CARMIL1: variants seen among roughly 807,000 people sequenced by gnomAD.
The protein encoded by CARMIL1 is capping protein regulator and myosin 1 linker 1.
CARMIL1 carries 90 observed loss-of-function variants against 177.1 expected under a neutral mutation model. The ratio of observed to expected loss-of-function variants is 0.51; its 90% CI spans 0.43 to 0.61. The LOEUF is 0.61. Among genes scored for constraint, CARMIL1 ranks in the 20% least tolerant of loss-of-function variants. The pLI is 0.00. For missense variants in CARMIL1, 1,380 were observed against 1,667.0 expected, an observed-to-expected ratio of 0.83 and a Z score of 3.00; for synonymous variants, 577 against 606.2, an observed-to-expected ratio of 0.95 and a Z score of 0.71.
At chr6:25,447,988 C>G (rs766218185) in intron 5 of CARMIL1, among the ~76,000 whole-genome samples, 9 of 152,112 alleles carry the variant, frequency 5.9e-5, no homozygotes, top group South Asian at 4.2e-4. Context: ...AGCTGCCCAC[C>G]TCTCCATATA....
At chr6:25,569,116 C>T (rs1198157083) in intron 29 of CARMIL1, among the ~76,000 whole-genome samples, 2 of 152,082 alleles carry the variant, frequency 1.3e-5, no homozygotes. Context: ...CAGATGTTCT[C>T]ATAGGTAGAA....
chr6:25,429,892 C>T (rs1796594462), intron 4 of CARMIL1, among the ~76,000 whole-genome samples: 1 of 151,738 alleles, frequency 6.6e-6, no homozygotes, highest in Non-Finnish European at 1.5e-5. Context: ...TGTCACCAGG[C>T]TGGAGTGCAG....
At chr6:25,459,275 T>TCTTTTTCTTTCTTTCTTTCTTTCTTTC (rs1272799059) in intron 8 of CARMIL1, among the ~76,000 whole-genome samples, 3 of 141,416 alleles carry the variant, frequency 2.1e-5, no homozygotes, top group Non-Finnish European at 4.6e-5. Context: ...TCTTTTTTTT[T>TCTTTTTCTTTCTTTCTTTCTTTCTTTC]TTTTTAAGAC....
At position 25,373,114 on chromosome 6, in the gene CARMIL1, A is replaced by G. The variant is rs201637498; in HGVS notation, c.139-47000A>G. ...GATGAAACCCACTTGATCATGGTGA[A>G]TTATCTTTTTGATGTGCTGTTGGAT... On this transcript the variant is annotated intron_variant, in intron 2 of 36. Coordinates refer to ENST00000329474, the MANE Select transcript of CARMIL1 (RefSeq NM_017640.6). Among the ~76,000 whole-genome samples, 723 of 152,180 alleles carry G rather than the reference A, an allele frequency of 4.8e-3. 1 individual carries two copies. Among genetic ancestry groups the G allele is most frequent in the Non-Finnish European group, 8.0e-3 (545 of 67,998 alleles).
intron 2 of CARMIL1, among the ~76,000 whole-genome samples, chr6:25,390,320 A>ATATATATATATATATATATTTTTT (rs1554184839): frequency 6.9e-5 from 4 of 58,098 alleles, no homozygotes; most frequent in Non-Finnish European, 1.3e-4. Context: ...ATATATATAT[A>ATATATATATATATATATATTTTTT]TTTTTTTTTT....
At chr6:25,460,855 T>G (rs1800058536) in intron 8 of CARMIL1, among the ~76,000 whole-genome samples, 1 of 152,246 alleles carries the variant, frequency 6.6e-6, no homozygotes, top group South Asian at 2.1e-4. Context: ...AGATGTGTAC[T>G]AGGATGGAAA....
chr6:25,302,389 G>C (rs2690125), intron 2 of CARMIL1, among the ~76,000 whole-genome samples: 77,783 of 151,978 alleles, frequency 0.51, 20,000 homozygotes, highest in Middle Eastern at 0.55. Context: ...TGGTTTCAAG[G>C]CCAGCTTAAA....
intron 12 of CARMIL1, among the ~76,000 whole-genome samples, chr6:25,487,010 G>A (rs1334515345): frequency 6.6e-6 from 1 of 151,938 alleles, no homozygotes; most frequent in Non-Finnish European, 1.5e-5. Context: ...TCAGTAAATG[G>A]TGAGTTGACA....
intron 26 of CARMIL1, 76 bp downstream of exon 26, chr6:25,540,154 A>G: frequency 2.2e-6 from 3 of 1,366,598 alleles, no homozygotes; most frequent in Non-Finnish European, 2.9e-6. Flanking sequence ...TTCCATAGCT[A>G]TCTATGTTTT....
chr6:25,542,692 A>G (rs538556272), intron 26 of CARMIL1, among the ~76,000 whole-genome samples: 139 of 152,248 alleles, frequency 9.1e-4, no homozygotes, highest in African/African-American at 3.3e-3. Flanking sequence ...TGTATTTTAA[A>G]ATGTTCTTTT....
At chr6:25,284,953 G>C in intron 2 of CARMIL1, 44 bp downstream of exon 2, 4 of 1,213,872 alleles carry the variant, frequency 3.3e-6, no homozygotes, top group Non-Finnish European at 4.7e-6. Flanking sequence ...GGAAATGAAA[G>C]TGTGTTTTCA....
At chr6:25,324,766 T>TGATGGAGTAG (rs1784940383) in intron 2 of CARMIL1, among the ~76,000 whole-genome samples, 2 of 151,972 alleles carry the variant, frequency 1.3e-5, no homozygotes, top group Non-Finnish European at 2.9e-5. Context: ...TGGGTGCTGT[T>TGATGGAGTAG]GGAGATAATA....
chr6:25,511,310 G>T (rs1392441282), intron 20 of CARMIL1, among the ~76,000 whole-genome samples: 1 of 152,146 alleles, frequency 6.6e-6, no homozygotes, highest in African/African-American at 2.4e-5. Context: ...ATTTCAAATA[G>T]TATCTTATTT....
At chr6:25,500,455 TTTG>T (rs1433738150) in intron 17 of CARMIL1, among the ~76,000 whole-genome samples, 2 of 152,224 alleles carry the variant, frequency 1.3e-5, no homozygotes, top group African/African-American at 4.8e-5. Flanking sequence ...TGACTTGGGT[TTTG>T]TTGTTGTTCC....
rs1193087020 is a variant in CARMIL1, at chr6:25,424,746, A to G, written c.190-1755A>G. On this transcript the variant is annotated intron_variant, in intron 3 of 36. Transcript: ENST00000329474. Reference sequence around the variant, plus strand: ...GCTGTTTTAAAGACTAGACAACTTTATAGTTGGGGGAGGGGTGGTGAGGAG... The same window carrying G: ...GCTGTTTTAAAGACTAGACAACTTTGTAGTTGGGGGAGGGGTGGTGAGGAG... Among the ~76,000 whole-genome samples, 5 of 152,228 alleles carry G rather than the reference A, an allele frequency of 3.3e-5. No homozygotes were observed. The East Asian group carries it at 5.8e-4, about 18-fold the overall frequency.
intron 16 of CARMIL1, among the ~76,000 whole-genome samples, chr6:25,499,118 G>T (rs1804048847): frequency 1.3e-5 from 2 of 152,124 alleles, no homozygotes. Flanking sequence ...AGAAAAGAAA[G>T]TCTCAGAGAC....
intron 8 of CARMIL1, among the ~76,000 whole-genome samples, chr6:25,458,894 C>T (rs1373137458): frequency 6.6e-6 from 1 of 152,090 alleles, no homozygotes; most frequent in African/African-American, 2.4e-5. Flanking sequence ...TGTGTTAGTA[C>T]ATAAAAATGT....
intron 31 of CARMIL1, among the ~76,000 whole-genome samples, chr6:25,582,165 C>T (rs565601526): frequency 6.6e-6 from 1 of 152,250 alleles, no homozygotes; most frequent in Admixed American, 6.5e-5. Flanking sequence ...CCCTTTAAAC[C>T]ACCCTCCCAA....
intron 2 of CARMIL1, among the ~76,000 whole-genome samples, chr6:25,299,978 CAAAAAA>C (rs201932888): frequency 1.0e-5 from 1 of 96,360 alleles, no homozygotes; most frequent in Non-Finnish European, 2.2e-5. Context: ...GACTCCACCT[CAAAAAA>C]AAAAAAAAAA....
Sources: gnomAD v4.1 joint callset for allele counts (sites outside exome capture counted in the v4.1 genomes callset) on GRCh38, gnomAD v4.1.1 for gene constraint, MANE v1.5 for transcripts, NCBI Gene and HGNC (gene_info 2026-07-23, HGNC 2026-07-21) for gene names.